Variants in PAPPA2 observed in about 807,000 individuals in gnomAD.
PAPPA2 encodes the protein pappalysin-2.
PAPPA2 carries 86 observed loss-of-function variants against 176.4 expected under a neutral mutation model. That is an observed-to-expected ratio of 0.49 (90% CI 0.41 to 0.58). The LOEUF (loss-of-function observed/expected upper bound fraction) is 0.58. PAPPA2 is among the 20% of genes least tolerant of loss of function. PAPPA2 has a pLI of 0.00. For missense variants in PAPPA2, 2,073 were observed against 2,256.9 expected, an observed-to-expected ratio of 0.92 and a Z score of 1.65; for synonymous variants, 809 against 852.2, an observed-to-expected ratio of 0.95 and a Z score of 0.88.
In PAPPA2 at chr1:176,771,161, G is replaced by T. The variant is rs1664207041; in HGVS notation, c.4696G>T (p.Ala1566Ser). ...CKPGYYVAES[A>S]EGKVRNKLLK... ...ACCAGGGTACTATGTGGCAGAAAGT[G>T]CAGAGGGTAAAGTCAGGAAGTAAGT... Residue 1566 changes from alanine to serine, a missense_variant, in exon 17 of 23, where the codon GCA becomes TCA. Around this residue, in one of 4 missense-constraint regions of PAPPA2, gnomAD observed 846 missense variants for 857.9 expected, o/e 0.99. Transcript: ENST00000367662. 2 of 1,614,160 alleles carry T rather than the reference G, an allele frequency of 1.2e-6. No homozygotes were observed. Among genetic ancestry groups the T allele is most frequent in the Non-Finnish European group, 1.7e-6 (2 of 1,180,012 alleles).
At chr1:176,756,491 T>C (rs1437288023) in intron 14 of PAPPA2, among the ~76,000 whole-genome samples, 1 of 152,216 alleles carries the variant, frequency 6.6e-6, no homozygotes, top group Non-Finnish European at 1.5e-5. Flanking sequence ...ATGATTCTGC[T>C]TCCCAGGGCA....
intron 1 of PAPPA2, among the ~76,000 whole-genome samples, chr1:176,520,311 A>C (rs1299126198): frequency 6.6e-6 from 1 of 152,128 alleles, no homozygotes; most frequent in Non-Finnish European, 1.5e-5. Context: ...TCACCCTCTT[A>C]GCTTCTCAGA....
intron 7 of PAPPA2, among the ~76,000 whole-genome samples, chr1:176,696,315 T>A (rs1420502661): frequency 4.3e-5 from 1 of 23,222 alleles, no homozygotes; most frequent in African/African-American, 1.7e-4. Context: ...TGGGTGGGGG[T>A]GGGGGGACCG....
At chr1:176,639,991 A>G (rs1656973830) in intron 3 of PAPPA2, among the ~76,000 whole-genome samples, 2 of 151,554 alleles carry the variant, frequency 1.3e-5, no homozygotes, top group African/African-American at 4.8e-5. Context: ...ACTGAGACTT[A>G]GAGATATTAT....
chr1:176,752,732 C>T (rs975081543), intron 14 of PAPPA2, among the ~76,000 whole-genome samples: 1 of 152,162 alleles, frequency 6.6e-6, no homozygotes, highest in African/African-American at 2.4e-5. Context: ...ATCCAAATGA[C>T]ACAAATTTTC....
rs1409382432 is a variant in PAPPA2 at position 176,595,568 on chromosome 1, C to T, written c.1964C>T (p.Thr655Ile). 1 of 1,613,012 alleles carries T rather than the reference C, an allele frequency of 6.2e-7. No homozygotes were observed. The highest frequency in any genetic ancestry group is 8.5e-7 in the Non-Finnish European group (1 of 1,179,508). ...CCCCAGGTGGCTGATGTGCGCAAGA[C>T]CTGCTTTGACCCTGACTCACCCAAG... The part of the protein sequence containing the change: ...CDPQVADVRK[T>I]CFDPDSPKRA... The change falls in exon 3 of 23, where the codon ACC (threonine) becomes ATC (isoleucine). Residue 655 changes from threonine (T) to isoleucine (I), a missense_variant. By Grantham distance (89) the Thr-to-Ile change is moderately conservative. Around this residue, in one of 4 missense-constraint regions of PAPPA2, gnomAD observed 1,196 missense variants for 1,330.4 expected, o/e 0.90. Transcript: ENST00000367662.
At chr1:176,546,214 C>A (rs115324124) in intron 1 of PAPPA2, among the ~76,000 whole-genome samples, 112 of 152,288 alleles carry the variant, frequency 7.4e-4, no homozygotes, top group Admixed American at 3.0e-3. Context: ...ACCTGTAATG[C>A]CCCTTGCTGA....
intron 12 of PAPPA2, among the ~76,000 whole-genome samples, chr1:176,725,865 C>G (rs2102855638): frequency 6.6e-6 from 1 of 152,304 alleles, no homozygotes; most frequent in South Asian, 2.1e-4. Flanking sequence ...ACTGCAAGCT[C>G]CGCCTCCCGG....
intron 21 of PAPPA2, among the ~76,000 whole-genome samples, chr1:176,823,361 A>G (rs1666735830): frequency 6.6e-6 from 1 of 152,220 alleles, no homozygotes; most frequent in Non-Finnish European, 1.5e-5. Flanking sequence ...ATAAGGAAGT[A>G]TGGAATGACT....
chr1:176,586,250 A>G (rs1317976231), intron 2 of PAPPA2, among the ~76,000 whole-genome samples: 1 of 152,188 alleles, frequency 6.6e-6, no homozygotes, highest in Admixed American at 6.5e-5. Context: ...GATAAAAATT[A>G]TTCAAATATT....
intron 17 of PAPPA2, among the ~76,000 whole-genome samples, chr1:176,777,838 T>C (rs1664527182): frequency 6.6e-6 from 1 of 152,072 alleles, no homozygotes; most frequent in South Asian, 2.1e-4. Flanking sequence ...ACCATCATCA[T>C]TATCATTACC....
At chr1:176,805,673 C>A (rs1212418544) in intron 21 of PAPPA2, among the ~76,000 whole-genome samples, 1 of 152,028 alleles carries the variant, frequency 6.6e-6, no homozygotes, top group Non-Finnish European at 1.5e-5. Flanking sequence ...AGGACAGGGT[C>A]ATATTGAAAC....
chr1:176,750,984 T>G, intron 14 of PAPPA2, among the ~76,000 whole-genome samples: 1 of 152,080 alleles, frequency 6.6e-6, no homozygotes. Flanking sequence ...GTCTAACGTT[T>G]AAATCTTTAA....
Position 176,635,110 on chromosome 1 carries a change from A to G in PAPPA2, c.1992-35860A>G, listed in dbSNP as rs570284098. ...AAAGAGGAGCTACCTAAGAAGACATAGCTGACTTAAGAAGCAGAAAACCTG... is the reference window on the plus strand; with the variant it reads ...AAAGAGGAGCTACCTAAGAAGACATGGCTGACTTAAGAAGCAGAAAACCTG... On this transcript the variant is annotated intron_variant, in intron 3 of 22. Transcript: ENST00000367662. Among the ~76,000 whole-genome samples, 3 of 152,300 alleles carry G rather than the reference A, an allele frequency of 2.0e-5. No individual in the cohort carries two copies. In the South Asian group the frequency reaches 6.2e-4, roughly 32 times the overall value.
intron 20 of PAPPA2, among the ~76,000 whole-genome samples, chr1:176,796,734 T>C (rs1215282009): frequency 6.6e-6 from 1 of 151,124 alleles, no homozygotes; most frequent in Non-Finnish European, 1.5e-5. Context: ...TCTTTCTTTC[T>C]CTCTTTCTCC....
intron 1 of PAPPA2, among the ~76,000 whole-genome samples, chr1:176,543,657 C>T (rs1052187330): frequency 7.2e-5 from 11 of 152,302 alleles, no homozygotes; most frequent in African/African-American, 2.6e-4. Flanking sequence ...CAATGCCACA[C>T]CTGGGGATGG....
At chr1:176,537,539 G>C (rs1294408728) in intron 1 of PAPPA2, among the ~76,000 whole-genome samples, 1 of 152,146 alleles carries the variant, frequency 6.6e-6, no homozygotes, top group African/African-American at 2.4e-5. Flanking sequence ...CTACACATGT[G>C]CCTGGCGCAT....
chr1:176,563,944 T>G (rs991006640), intron 2 of PAPPA2, among the ~76,000 whole-genome samples: 1 of 152,222 alleles, frequency 6.6e-6, no homozygotes, highest in African/African-American at 2.4e-5. Context: ...TAGACTGCAC[T>G]GTAGTCAACA....
chr1:176,675,121 G>C (rs754519251), intron 4 of PAPPA2, among the ~76,000 whole-genome samples: 9 of 151,944 alleles, frequency 5.9e-5, no homozygotes, highest in Non-Finnish European at 7.4e-5. Flanking sequence ...TTATCTTCTA[G>C]AATTTTTATG....
Sources: allele counts gnomAD v4.1 joint callset (sites outside exome capture counted in the v4.1 genomes callset), GRCh38; gene constraint gnomAD v4.1.1; regional missense constraint gnomAD v4.1.1; transcripts MANE v1.5; gene names NCBI Gene and HGNC (gene_info 2026-07-23, HGNC 2026-07-21).